The following SPMIP2 variants were observed in gnomAD, a reference collection of about 807,000 sequenced individuals.
SPMIP2 encodes sperm microtubule inner protein 2.
chr4:158,998,835 C>T, the SPMIP2 span, among the ~76,000 whole-genome samples: 1 of 152,080 alleles, frequency 6.6e-6, no homozygotes, highest in Non-Finnish European at 1.5e-5. Flanking sequence ...GGAAATAGTG[C>T]TCTCAATCCT....
the SPMIP2 span, among the ~76,000 whole-genome samples, chr4:159,023,203 A>G: frequency 6.6e-6 from 1 of 152,104 alleles, no homozygotes; most frequent in Admixed American, 6.6e-5. Context: ...TAACATTTGA[A>G]TTGGTAAACT....
At chr4:159,081,002 C>A in the SPMIP2 span, among the ~76,000 whole-genome samples, 1 of 151,294 alleles carries the variant, frequency 6.6e-6, no homozygotes, top group Non-Finnish European at 1.5e-5. Flanking sequence ...GGATTACAGG[C>A]ACGAATGACT....
At chr4:158,980,245 G>C in the SPMIP2 span, among the ~76,000 whole-genome samples, 2 of 152,180 alleles carry the variant, frequency 1.3e-5, no homozygotes, top group East Asian at 3.8e-4. Context: ...CTGGGACAGA[G>C]CATATGGGGG....
the SPMIP2 span, among the ~76,000 whole-genome samples, chr4:158,977,631 T>TTTTTTTTTGTG: frequency 6.9e-6 from 1 of 144,880 alleles, no homozygotes. Flanking sequence ...TTTTTTCTCT[T>TTTTTTTTTGTG]TGAGACGGAG....
At chr4:158,897,531 G>A in the SPMIP2 span, among the ~76,000 whole-genome samples, 1,320 of 152,060 alleles carry the variant, frequency 8.7e-3, 15 homozygotes, top group African/African-American at 0.03. Context: ...AGTGATTGCC[G>A]TTCTAACTGG....
At chr4:159,030,193 T>C in the SPMIP2 span, among the ~76,000 whole-genome samples, 1 of 152,080 alleles carries the variant, frequency 6.6e-6, no homozygotes, top group Non-Finnish European at 1.5e-5. Flanking sequence ...TGGGCAGATC[T>C]CTTGAGCCCA....
At chr4:159,077,759 T>C in the SPMIP2 span, among the ~76,000 whole-genome samples, 2 of 152,208 alleles carry the variant, frequency 1.3e-5, no homozygotes, top group African/African-American at 4.8e-5. Context: ...GATCTTTAAT[T>C]ACCTAGAAAG....
At chr4:159,038,493 C>CT in the SPMIP2 span, 1 of 152,068 alleles carries the variant, frequency 6.6e-6, no homozygotes, top group African/African-American at 2.4e-5. Flanking sequence ...TTTTTCCATC[C>CT]TACATTTTTT....
chr4:158,940,167 G>A, the SPMIP2 span, among the ~76,000 whole-genome samples: 1 of 152,100 alleles, frequency 6.6e-6, no homozygotes, highest in African/African-American at 2.4e-5. Flanking sequence ...TCTTTGGCTT[G>A]TAGATGGCCA....
At chr4:158,976,012 C>CA in the SPMIP2 span, among the ~76,000 whole-genome samples, 2 of 152,298 alleles carry the variant, frequency 1.3e-5, no homozygotes, top group South Asian at 4.1e-4. Flanking sequence ...GGAGGTCCTT[C>CA]ACAGCTCTTG....
the SPMIP2 span, among the ~76,000 whole-genome samples, chr4:158,935,145 G>A: frequency 3.3e-5 from 5 of 152,064 alleles, no homozygotes; most frequent in Non-Finnish European, 4.4e-5. Context: ...ACAATACCCT[G>A]TGTTTTCGCC....
the SPMIP2 span, among the ~76,000 whole-genome samples, chr4:159,000,684 G>A: frequency 1.3e-5 from 2 of 151,752 alleles, no homozygotes; most frequent in Admixed American, 6.6e-5. Context: ...AGTAGAGATG[G>A]GGCCTCACCA....
chr4:158,982,365 G>A, the SPMIP2 span, among the ~76,000 whole-genome samples: 96,188 of 151,968 alleles, frequency 0.63, 30,755 homozygotes, highest in Middle Eastern at 0.71. Context: ...GGCTCTGGAC[G>A]AAGCAGACCT....
At chr4:158,991,863 TA>T in the SPMIP2 span, among the ~76,000 whole-genome samples, 17 of 147,442 alleles carry the variant, frequency 1.2e-4, no homozygotes, top group South Asian at 1.3e-3. Flanking sequence ...AGTTTTTTTT[TA>T]ATTTTATTTT....
At chr4:158,981,268 T>A in the SPMIP2 span, among the ~76,000 whole-genome samples, 4 of 152,096 alleles carry the variant, frequency 2.6e-5, no homozygotes, top group Admixed American at 2.0e-4. Flanking sequence ...TGGAACCAAG[T>A]TGGAAAACAC....
At chr4:158,932,768 A>C in the SPMIP2 span, among the ~76,000 whole-genome samples, 2 of 152,304 alleles carry the variant, frequency 1.3e-5, no homozygotes, top group African/African-American at 2.4e-5. Context: ...AAGAGCTTCA[A>C]ATCTGTGTTC....
the SPMIP2 span, among the ~76,000 whole-genome samples, chr4:159,019,063 C>T: frequency 1.3e-5 from 2 of 152,288 alleles, no homozygotes; most frequent in East Asian, 3.9e-4. Flanking sequence ...GGACTCCAGC[C>T]TGGGCAAAAG....
the SPMIP2 span, among the ~76,000 whole-genome samples, chr4:159,053,426 T>C: frequency 6.6e-6 from 1 of 152,104 alleles, no homozygotes; most frequent in African/African-American, 2.4e-5. Context: ...CTAGGTTGAG[T>C]TACACCTAGG....
the SPMIP2 span, among the ~76,000 whole-genome samples, chr4:158,961,289 C>T: frequency 3.3e-5 from 5 of 152,038 alleles, no homozygotes; most frequent in African/African-American, 1.2e-4. Context: ...AGCTTCAGTT[C>T]AGAATGACTT....
Sources: allele counts gnomAD v4.1 joint callset (sites outside exome capture counted in the v4.1 genomes callset), GRCh38; gene constraint gnomAD v4.1.1; transcripts MANE v1.5; gene names NCBI Gene and HGNC (gene_info 2026-07-23, HGNC 2026-07-21).